Variants in LRGUK observed in about 807,000 individuals in gnomAD.
LRGUK encodes the protein leucine-rich repeat and guanylate kinase domain-containing protein.
In LRGUK, 65 loss-of-function variants were observed where a neutral mutation model predicts 76.0. The ratio of observed to expected loss-of-function variants is 0.85; its 90% CI spans 0.70 to 1.05. The LOEUF (loss-of-function observed/expected upper bound fraction) is 1.05. Ranked by LOEUF, LRGUK falls within the 50% of genes least tolerant of loss-of-function variation. The pLI, the probability that LRGUK is intolerant of heterozygous loss-of-function variation, is 0.00. For synonymous variants in LRGUK, 268 were observed against 265.6 expected (o/e 1.01, Z -0.09); for missense variants, 758 against 732.8 (o/e 1.03, Z -0.40).
At chr7:134,210,274 G>C (rs896255201), downstream of LRGUK, 1 of 398,750 alleles carries the variant, frequency 2.5e-6, no homozygotes, top group Non-Finnish European at 4.4e-6. Flanking sequence ...GTGTGTAACT[G>C]TTACAAATTA....
At chr7:134,194,153 A>G (rs184081019) in intron 12 of LRGUK, among the ~76,000 whole-genome samples, 1 of 152,314 alleles carries the variant, frequency 6.6e-6, no homozygotes, top group East Asian at 1.9e-4. Context: ...CCAAAGTAGC[A>G]TCACCAGCCA....
intron 16 of LRGUK, among the ~76,000 whole-genome samples, chr7:134,239,996 T>A (rs1225608695): frequency 6.6e-6 from 1 of 152,084 alleles, no homozygotes; most frequent in African/African-American, 2.4e-5. Context: ...GTTCTGACTG[T>A]TAGAAGGAAA....
At chr7:134,215,227 A>G (rs1801405760), downstream of LRGUK, among the ~76,000 whole-genome samples, 1 of 152,194 alleles carries the variant, frequency 6.6e-6, no homozygotes, top group Non-Finnish European at 1.5e-5. Flanking sequence ...CAAAAAAAAA[A>G]AAGTGTCATA....
chr7:134,230,193 G>A (rs1801858487), intron 16 of LRGUK, among the ~76,000 whole-genome samples: 1 of 152,022 alleles, frequency 6.6e-6, no homozygotes, highest in Non-Finnish European at 1.5e-5. Context: ...GAAAAAAATA[G>A]GTAACCCATA....
chr7:134,152,257 C>A (rs1241419248), intron 5 of LRGUK, among the ~76,000 whole-genome samples: 2 of 151,854 alleles, frequency 1.3e-5, no homozygotes, highest in Non-Finnish European at 2.9e-5. Context: ...AATTAGAAAA[C>A]AACTTTAAAA....
intron 7 of LRGUK, among the ~76,000 whole-genome samples, chr7:134,173,250 T>C (rs1276198441): frequency 6.6e-6 from 1 of 152,212 alleles, no homozygotes; most frequent in Non-Finnish European, 1.5e-5. Context: ...GGTGTTCACC[T>C]TTCATATTGT....
Position 134,199,286 on chromosome 7 carries a change from GA to G in LRGUK, c.1617del (p.Lys539AsnfsTer41). On this transcript the variant is annotated frameshift_variant, in exon 14 of 16. Transcript: ENST00000645682. LOFTEE classifies it high-confidence loss of function. ...TATCCTGGTGGTGCCCATGAACAAG[GA>G]AAAATATGAGGGATATTTGCGGAGA... The G allele has an allele frequency of 6.2e-7, 1 of 1,613,784 alleles. No homozygotes were observed. Among genetic ancestry groups the G allele is most frequent in the African/African-American group, 1.3e-5 (1 of 74,986 alleles).
At chr7:134,155,291 C>G (rs535733380) in intron 5 of LRGUK, among the ~76,000 whole-genome samples, 7 of 152,122 alleles carry the variant, frequency 4.6e-5, no homozygotes, top group Non-Finnish European at 1.0e-4. Flanking sequence ...CTACAAAGAT[C>G]TGGTCTTTGT....
chr7:134,258,822 G>A (rs1235990294), intron 19 of LRGUK, among the ~76,000 whole-genome samples: 1 of 152,054 alleles, frequency 6.6e-6, no homozygotes, highest in African/African-American at 2.4e-5. Flanking sequence ...TTAAATGAGA[G>A]TATTGAGTCA....
intron 16 of LRGUK, among the ~76,000 whole-genome samples, chr7:134,233,190 A>C (rs1410045695): frequency 6.6e-6 from 1 of 152,228 alleles, no homozygotes; most frequent in Admixed American, 6.5e-5. Flanking sequence ...TAGTAACCCA[A>C]TGCTCTTTGC....
At chr7:134,212,452 C>A (rs1309041611), downstream of LRGUK, among the ~76,000 whole-genome samples, 1 of 152,154 alleles carries the variant, frequency 6.6e-6, no homozygotes. Context: ...ATGTCTCTTA[C>A]ACAAAAGAGA....
At chr7:134,135,923 T>C (rs1472752033) in intron 1 of LRGUK, among the ~76,000 whole-genome samples, 1 of 152,226 alleles carries the variant, frequency 6.6e-6, no homozygotes, top group Non-Finnish European at 1.5e-5. Context: ...CCCAAAGTGC[T>C]GGGATTACAG....
At chr7:134,231,776 G>A (rs76086643) in intron 16 of LRGUK, among the ~76,000 whole-genome samples, 5 of 60,668 alleles carry the variant, frequency 8.2e-5, no homozygotes, top group East Asian at 5.8e-4. Context: ...TCCTTCCTCC[G>A]TCCGTCCCTC....
rs375437276 is a variant in LRGUK at position 134,233,823 on chromosome 7, C to T, written c.1983+11905C>T. 3.7e-3 allele frequency among the ~76,000 whole-genome samples: 568 copies of T among 152,314 alleles called. 2 individuals carry two copies. The highest frequency in any genetic ancestry group is 6.7e-3 in the Non-Finnish European group (456 of 68,026). On this transcript the variant is annotated intron_variant, in intron 16 of 19. Coordinates refer to the LRGUK transcript ENST00000285928. ...ATTTGATTTCCAGTATCTTTGCCCT[C>T]TGCTCTTCGTGTCTAATTTGAACTC...
intron 10 of LRGUK, 80 bp from the exon 11 acceptor site, chr7:134,183,654 T>A (rs1168589197): frequency 1.3e-6 from 2 of 1,548,738 alleles, no homozygotes; most frequent in Non-Finnish European, 8.8e-7. Flanking sequence ...TTAGCCAGGT[T>A]AATGGTGGCC....
chr7:134,209,444 C>T (rs1033767282), exon 16 of LRGUK: 3 of 399,140 alleles, frequency 7.5e-6, no homozygotes, highest in Non-Finnish European at 8.8e-6. Context: ...CAGTATCCCT[C>T]ACCCAGAACT....
At chr7:134,151,097 G>C (rs1261947791) in intron 5 of LRGUK, among the ~76,000 whole-genome samples, 4 of 152,100 alleles carry the variant, frequency 2.6e-5, no homozygotes, top group African/African-American at 9.7e-5. Context: ...CTCCTGTTCT[G>C]TTTAAGCATA....
At chr7:134,232,751 C>T (rs1437855802) in intron 16 of LRGUK, among the ~76,000 whole-genome samples, 1 of 152,136 alleles carries the variant, frequency 6.6e-6, no homozygotes, top group Non-Finnish European at 1.5e-5. Flanking sequence ...ACAATTCTTT[C>T]TATAAATGTG....
At chr7:134,177,120 C>T (rs1799517716) in intron 9 of LRGUK, 57 bp downstream of exon 9, 1 of 990,064 alleles carries the variant, frequency 1.0e-6, no homozygotes, top group African/African-American at 1.6e-5. Context: ...TGCTCAAAAG[C>T]TCGTGTTGCC....
Sources: gnomAD v4.1 joint callset for allele counts (sites outside exome capture counted in the v4.1 genomes callset) on GRCh38, gnomAD v4.1.1 for gene constraint, MANE v1.5 for transcripts, NCBI Gene and HGNC (gene_info 2026-07-23, HGNC 2026-07-21) for gene names.